CACNA1E: variants seen among roughly 807,000 people sequenced by gnomAD.
CACNA1E encodes voltage-dependent R-type calcium channel subunit alpha-1E.
Under a neutral mutation model 259.2 loss-of-function variants are expected in CACNA1E, and 40 were observed. That is an observed-to-expected ratio of 0.15 (90% confidence interval 0.12 to 0.20). CACNA1E has a LOEUF of 0.20. Among genes scored for constraint, CACNA1E ranks in the 10% least tolerant of loss-of-function variants. The pLI is 1.00. For missense variants in CACNA1E, 1,874 were observed against 3,040.1 expected (o/e 0.62, Z 9.02); for synonymous variants, 1,104 against 1,138.5 (o/e 0.97, Z 0.61).
At chr1:181,579,797 A>T (rs1056328017) in intron 5 of CACNA1E, among the ~76,000 whole-genome samples, 15 of 152,198 alleles carry the variant, frequency 9.9e-5, no homozygotes, top group African/African-American at 3.4e-4. Flanking sequence ...CCAGAGTCAG[A>T]GTTGGGTCCC....
At chr1:181,720,960 C>T in intron 15 of CACNA1E, 105 bp downstream of exon 15, 1 of 761,648 alleles carries the variant, frequency 1.3e-6, no homozygotes, top group South Asian at 1.6e-5. Context: ...CCTTTCCAGG[C>T]TCCTCCCAGG....
chr1:181,631,822 T>G (rs75318603), intron 6 of CACNA1E, among the ~76,000 whole-genome samples: 4,730 of 152,290 alleles, frequency 0.031, 105 homozygotes, highest in Non-Finnish European at 0.047. Context: ...TTGACCACTT[T>G]TTTGCATTGA....
chr1:181,732,297 C>G lies in CACNA1E; in HGVS notation c.2298-87C>G, dbSNP rs1286006915. ...ACTCCCATTTGCCCCCACCATGTGT[C>G]CTGCCCTCTCACATGGCCCCTGTGG... On this transcript the variant is annotated intron_variant, in intron 19 of 47. Transcript: ENST00000367573. The surrounding 1 kb of genome is among the most constrained non-coding windows in gnomAD (Gnocchi z 5.5). 2 of 1,441,774 alleles carry G rather than the reference C, an allele frequency of 1.4e-6. No individual in the cohort carries two copies. The highest frequency in any genetic ancestry group is 1.8e-6 in the Non-Finnish European group (2 of 1,100,376). 89.3% of individuals were successfully genotyped at this position (1,441,774 alleles called of 1,614,324 possible). A position where few individuals can be genotyped will look rare whatever the true frequency, so the allele number is the denominator to read the frequency against.
At chr1:181,795,526 T>C (rs181367335) in intron 46 of CACNA1E, among the ~76,000 whole-genome samples, 1,709 of 150,446 alleles carry the variant, frequency 0.011, 73 homozygotes, top group Admixed American at 0.079. Flanking sequence ...CTGCAAGCTC[T>C]GCCTCCCGGG....
chr1:181,345,419 G>C (rs1222814950), intron 1 of CACNA1E, among the ~76,000 whole-genome samples: 1 of 152,206 alleles, frequency 6.6e-6, no homozygotes, highest in Non-Finnish European at 1.5e-5. Context: ...GTTCAATGTG[G>C]CCACATGCCG....
chr1:181,765,644 T>C (rs925632446), intron 34 of CACNA1E, among the ~76,000 whole-genome samples: 1 of 152,236 alleles, frequency 6.6e-6, no homozygotes, highest in African/African-American at 2.4e-5. Context: ...TCTCCTGGGA[T>C]TCATGATGTG....
chr1:181,359,709 C>T (rs761393797), intron 1 of CACNA1E, among the ~76,000 whole-genome samples: 3 of 152,118 alleles, frequency 2.0e-5, no homozygotes, highest in Non-Finnish European at 2.9e-5. Flanking sequence ...TTCTCTGAGA[C>T]GTTTCTAAGA....
At chr1:181,579,953 C>G (rs1249182158) in intron 5 of CACNA1E, among the ~76,000 whole-genome samples, 1 of 152,130 alleles carries the variant, frequency 6.6e-6, no homozygotes, top group Non-Finnish European at 1.5e-5. Flanking sequence ...GGTACACAAC[C>G]CCAAATTCTC....
intron 1 of CACNA1E, among the ~76,000 whole-genome samples, chr1:181,320,826 G>A (rs372164086): frequency 6.6e-6 from 1 of 152,140 alleles, no homozygotes; most frequent in South Asian, 2.1e-4. Flanking sequence ...TTTTCTGTCA[G>A]CAGTGTCCTT....
At chr1:181,731,310 C>A in intron 19 of CACNA1E, 79 bp downstream of exon 19, 1 of 1,102,230 alleles carries the variant, frequency 9.1e-7, no homozygotes, top group African/African-American at 1.5e-5. Flanking sequence ...TTGCCATAGA[C>A]AAAGTGGCAC....
At chr1:181,750,703 T>A (rs1481286408) in intron 26 of CACNA1E, among the ~76,000 whole-genome samples, 2 of 152,178 alleles carry the variant, frequency 1.3e-5, no homozygotes, top group Non-Finnish European at 1.5e-5. Context: ...GTTGCCTCTT[T>A]TAGGTATGTA....
At chr1:181,648,844 C>G (rs1169590407) in intron 6 of CACNA1E, among the ~76,000 whole-genome samples, 1 of 152,160 alleles carries the variant, frequency 6.6e-6, no homozygotes, top group East Asian at 1.9e-4. Flanking sequence ...AAAGTCCTAT[C>G]TGGGTGCTGG....
At chr1:181,610,541 CA>C (rs1376216555) in intron 6 of CACNA1E, among the ~76,000 whole-genome samples, 2 of 152,192 alleles carry the variant, frequency 1.3e-5, no homozygotes, top group East Asian at 1.9e-4. Context: ...TGCAATACAG[CA>C]AAAAGTTCTG....
intron 3 of CACNA1E, among the ~76,000 whole-genome samples, chr1:181,550,434 G>A (rs1304140389): frequency 1.3e-5 from 2 of 152,082 alleles, no homozygotes; most frequent in Non-Finnish European, 2.9e-5. Context: ...CATAGACATG[G>A]GTCAGATTGT....
intron 1 of CACNA1E, among the ~76,000 whole-genome samples, chr1:181,393,815 C>T (rs1656465746): frequency 6.6e-6 from 1 of 152,156 alleles, no homozygotes; most frequent in African/African-American, 2.4e-5. Context: ...GGACTCAAGA[C>T]CTTAAAAACC....
chr1:181,672,690 G>C (rs1648932245), intron 7 of CACNA1E, among the ~76,000 whole-genome samples: 1 of 152,190 alleles, frequency 6.6e-6, no homozygotes, highest in Admixed American at 6.5e-5. Context: ...AGAAACAGTA[G>C]CAGATACCTA....
intron 45 of CACNA1E, among the ~76,000 whole-genome samples, 177 bp downstream of exon 45, chr1:181,793,970 C>T (rs1424120573): frequency 6.6e-6 from 1 of 152,054 alleles, no homozygotes; most frequent in Non-Finnish European, 1.5e-5. Flanking sequence ...TTTTCAATGA[C>T]CCCCCCTAAC....
chr1:181,620,671 T>C (rs976695064), intron 6 of CACNA1E, among the ~76,000 whole-genome samples: 3 of 152,214 alleles, frequency 2.0e-5, no homozygotes, highest in Non-Finnish European at 4.4e-5. Flanking sequence ...AAGGAACTTA[T>C]CTGGTGGACT....
At chr1:181,443,665 G>A (rs534697929) in intron 2 of CACNA1E, among the ~76,000 whole-genome samples, 14 of 152,330 alleles carry the variant, frequency 9.2e-5, no homozygotes, top group African/African-American at 3.1e-4. Context: ...AACTGTGTAA[G>A]GCAGGGCTTC....
Sources: gnomAD v4.1 joint callset for allele counts (sites outside exome capture counted in the v4.1 genomes callset) on GRCh38, gnomAD v4.1.1 for gene constraint, Gnocchi (gnomAD v3.1) non-coding constraint, MANE v1.5 for transcripts, NCBI Gene and HGNC (gene_info 2026-07-23, HGNC 2026-07-21) for gene names.